The following PIKFYVE variants were observed in gnomAD, a reference collection of about 807,000 sequenced individuals.
The protein encoded by PIKFYVE is phosphoinositide kinase, FYVE-type zinc finger containing.
PIKFYVE carries 122 observed loss-of-function variants against 257.9 expected under a neutral mutation model. The observed-to-expected ratio is 0.47, with a 90% CI of 0.41 to 0.55. The LOEUF is 0.55. Ranked by LOEUF, PIKFYVE falls within the 20% of genes least tolerant of loss-of-function variation. The pLI is 0.00. For missense variants in PIKFYVE, 2,160 were observed against 2,536.6 expected (o/e 0.85, Z 3.19); for synonymous variants, 892 against 868.9 (o/e 1.03, Z -0.47).
rs1162419286 is a variant in PIKFYVE at position 208,316,106 on chromosome 2, A to G, written c.2007+733A>G. On this transcript the variant is annotated intron_variant, in intron 15 of 41. Transcript: ENST00000264380. Reference sequence around the variant, plus strand: ...TGTTCTCATTGTTCAATTCCCATCTATGAGTGAGAACATGTGGTGTTTGGT... The same window carrying G: ...TGTTCTCATTGTTCAATTCCCATCTGTGAGTGAGAACATGTGGTGTTTGGT... Among the ~76,000 whole-genome samples, 3 of 134,298 alleles carry G rather than the reference A, an allele frequency of 2.2e-5. No individual in the cohort carries two copies. In the East Asian group the frequency reaches 6.7e-4, roughly 30 times the overall value. 88.1% of individuals were successfully genotyped at this position (134,298 alleles called of 152,430 possible).
chr2:208,350,808 C>G lies in PIKFYVE; in HGVS notation c.5472C>G (p.Leu1824=). 6.2e-7 allele frequency: 1 copy of G among 1,614,174 alleles called. No homozygotes were observed. Among genetic ancestry groups the G allele is most frequent in the South Asian group, 1.1e-5 (1 of 91,084 alleles). The change falls in exon 37 of 42, where the codon CTC becomes CTG. Residue 1824 remains leucine, a synonymous_variant. Coordinates refer to ENST00000264380, the MANE Select transcript of PIKFYVE (RefSeq NM_015040.4). ...CTAATGCCAAGTTTTACTGTCGGCT[C>G]TACTATGCGGGAGAGTTTCATAAGA... is the stretch of plus-strand genomic sequence containing the variant. ...SDANAKFYCR[L]YYAGEFHKMR...
At chr2:208,299,164 A>C (rs1307383398) in intron 8 of PIKFYVE, among the ~76,000 whole-genome samples, 6 of 152,082 alleles carry the variant, frequency 3.9e-5, no homozygotes, top group Non-Finnish European at 7.4e-5. Flanking sequence ...TTAATAAGAA[A>C]TATATAAGTG....
At position 208,296,450 on chromosome 2, in the gene PIKFYVE, G is replaced by A. The variant is rs574300748; in HGVS notation, c.912-2191G>A. Among the ~76,000 whole-genome samples the A allele has an allele frequency of 4.6e-5, 7 of 152,298 alleles. No homozygotes were observed. In the South Asian group the frequency reaches 1.5e-3, roughly 32 times the overall value. On this transcript the variant is annotated intron_variant, in intron 7 of 41. Transcript: ENST00000264380. The stretch of plus-strand genomic sequence containing the variant: ...GAGGGGTGGAATTACCAACTGGGAG[G>A]AACAGTTTGGTTTTAGATGTGTTGA...
In PIKFYVE at chr2:208,349,154, C is replaced by G. The variant is rs1446930937; in HGVS notation, c.5375-870C>G. 4.6e-5 allele frequency among the ~76,000 whole-genome samples: 7 copies of G among 152,214 alleles called. 1 individual carries two copies. The South Asian group carries it at 1.2e-3, about 27-fold the overall frequency. On this transcript the variant is annotated intron_variant, in intron 35 of 41. Transcript: ENST00000264380. ...CTCCTGCCTGGGTGACAGCAAGACT[C>G]TATCTCAAACAAACAAAAAAACCAA...
chr2:208,348,897 C>T lies in PIKFYVE; in HGVS notation c.5374+874C>T, dbSNP rs151050033. Reference sequence around the variant, plus strand: ...TTTTAAAAAATAGCAACTGCTGGGCCCAGTATGGTAATCCCAGCACTTTGG... The same window carrying T: ...TTTTAAAAAATAGCAACTGCTGGGCTCAGTATGGTAATCCCAGCACTTTGG... On this transcript the variant is annotated intron_variant, in intron 35 of 41. Transcript: ENST00000264380. Among the ~76,000 whole-genome samples the T allele has an allele frequency of 2.0e-3, 297 of 151,904 alleles. 3 individuals are homozygous for T. Among genetic ancestry groups the T allele is most frequent in the African/African-American group, 6.5e-3 (271 of 41,392 alleles).
At chr2:208,307,992 A>G (rs1694527188) in intron 12 of PIKFYVE, among the ~76,000 whole-genome samples, 1 of 152,236 alleles carries the variant, frequency 6.6e-6, no homozygotes, top group East Asian at 1.9e-4. Context: ...TTTATGGGAT[A>G]TAAAAAGATG....
At position 208,326,506 on chromosome 2, in the gene PIKFYVE, T is replaced by A; in HGVS notation, c.3618+77T>A. On this transcript the variant is annotated intron_variant, in intron 20 of 41. Transcript: ENST00000264380. The stretch of plus-strand genomic sequence containing the variant: ...ACTCCTCAAAGGCAGGCTAAAAAAA[T>A]CAGTTTGGCAGACTGCATGCAGATT... The A allele has an allele frequency of 2.7e-6, 4 of 1,486,184 alleles. No homozygotes were observed. In the South Asian group the frequency reaches 4.6e-5, roughly 17 times the overall value. 92.1% of individuals were successfully genotyped at this position (1,486,184 alleles called of 1,614,324 possible). A position where few individuals can be genotyped will look rare whatever the true frequency, so the allele number is the denominator to read the frequency against.
chr2:208,322,020 C>G (rs1696303338), intron 17 of PIKFYVE, among the ~76,000 whole-genome samples: 1 of 152,008 alleles, frequency 6.6e-6, no homozygotes. Flanking sequence ...GTTATTTATT[C>G]AGAGATCCAG....
chr2:208,297,897 T>A (rs1693181470), intron 7 of PIKFYVE, among the ~76,000 whole-genome samples: 1 of 150,858 alleles, frequency 6.6e-6, no homozygotes, highest in South Asian at 2.1e-4. Flanking sequence ...GAGTCAAAAT[T>A]AAGGATATGT....
At position 208,358,390 on chromosome 2, in the gene PIKFYVE, TTTGTTTTTG is replaced by T. The variant is rs1276935517; in HGVS notation, c.*3088_*3096del. ...TATTCAAACCATCTAGTGCAATGTT[TTTGTTTTTG>T]TTTTTTTTTTGGTAACACAGGTGCA... On this transcript the variant is annotated 3_prime_UTR_variant, in exon 42 of 42. Coordinates refer to ENST00000264380, the MANE Select transcript of PIKFYVE (RefSeq NM_015040.4). 4.6e-5 allele frequency: 1 copy of T among 21,866 alleles called. No homozygotes were observed. Among genetic ancestry groups the T allele is most frequent in the Admixed American group, 9.9e-4 (1 of 1,008 alleles). The allele number at this position is 21,866 out of a possible 1,614,324, so 1.4% of individuals were successfully genotyped here.
rs16841092 is a variant in PIKFYVE at position 208,357,854 on chromosome 2, G to C, written c.*2549G>C. ...TTCCTTAACATACAACATGAGTCCCGAGAATAATTGATAGTAGCAAGAGAA... is the reference window on the plus strand; with the variant it reads ...TTCCTTAACATACAACATGAGTCCCCAGAATAATTGATAGTAGCAAGAGAA... On this transcript the variant is annotated 3_prime_UTR_variant, in exon 42 of 42. Transcript: ENST00000264380. The C allele has an allele frequency of 2.6e-5, 4 of 152,044 alleles. No individual in the cohort carries two copies. Among genetic ancestry groups the C allele is most frequent in the Non-Finnish European group, 5.9e-5 (4 of 67,998 alleles). The allele number at this position is 152,044 out of a possible 1,614,324, so 9.4% of individuals were successfully genotyped here.
At chr2:208,313,732 G>A (rs964257576) in intron 13 of PIKFYVE, among the ~76,000 whole-genome samples, 1 of 152,042 alleles carries the variant, frequency 6.6e-6, no homozygotes, top group African/African-American at 2.4e-5. Flanking sequence ...ACAGGCGTGT[G>A]CCAACACGCC....
At chr2:208,337,479 ATACT>A (rs989308817) in intron 28 of PIKFYVE, among the ~76,000 whole-genome samples, 6 of 151,982 alleles carry the variant, frequency 3.9e-5, no homozygotes, top group African/African-American at 1.5e-4. Context: ...TATAGATATA[ATACT>A]TAGGATTATC....
At chr2:208,299,087 G>A (rs1574506102) in intron 8 of PIKFYVE, among the ~76,000 whole-genome samples, 1 of 151,998 alleles carries the variant, frequency 6.6e-6, no homozygotes, top group Admixed American at 6.6e-5. Context: ...TGATCTGCCC[G>A]CCTTGGCTCC....
intron 3 of PIKFYVE, among the ~76,000 whole-genome samples, chr2:208,275,218 C>T (rs1689948051): frequency 6.6e-6 from 1 of 152,234 alleles, no homozygotes; most frequent in Non-Finnish European, 1.5e-5. Context: ...GCAGCTAAGG[C>T]TATTTGCCTA....
At chr2:208,306,518 TAAAG>T (rs1315975306) in intron 12 of PIKFYVE, among the ~76,000 whole-genome samples, 7 of 152,226 alleles carry the variant, frequency 4.6e-5, no homozygotes, top group African/African-American at 1.4e-4. Context: ...CTTGGAATGT[TAAAG>T]AAGTTTTGAA....
chr2:208,271,369 T>A, intron 1 of PIKFYVE, 142 bp from the exon 2 acceptor site: 5 of 785,002 alleles, frequency 6.4e-6, no homozygotes, highest in Non-Finnish European at 1.1e-5. Context: ...TTGGAATATA[T>A]GAAGCTAGAT....
chr2:208,334,891 G>T (rs1438128814), intron 24 of PIKFYVE, among the ~76,000 whole-genome samples: 1 of 152,106 alleles, frequency 6.6e-6, no homozygotes, highest in East Asian at 1.9e-4. Context: ...GAGTTGGGTT[G>T]TAGCATTTAT....
At chr2:208,273,271 C>T (rs1367418692) in intron 2 of PIKFYVE, among the ~76,000 whole-genome samples, 2 of 152,026 alleles carry the variant, frequency 1.3e-5, no homozygotes, top group African/African-American at 4.8e-5. Flanking sequence ...GATTATTGGC[C>T]TGTAATTTTG....
Sources: allele counts gnomAD v4.1 joint callset (sites outside exome capture counted in the v4.1 genomes callset), GRCh38; gene constraint gnomAD v4.1.1; transcripts MANE v1.5; gene names NCBI Gene and HGNC (gene_info 2026-07-23, HGNC 2026-07-21).